ZFHX3: variants seen among roughly 807,000 people sequenced by gnomAD.
The protein encoded by ZFHX3 is zinc finger homeobox protein 3.
Under a neutral mutation model 279.1 loss-of-function variants are expected in ZFHX3, and 42 were observed. The ratio of observed to expected loss-of-function variants is 0.15; its 90% confidence interval spans 0.12 to 0.19. The LOEUF is 0.19. Among genes scored for constraint, ZFHX3 ranks in the 10% least tolerant of loss-of-function variants. ZFHX3 has a pLI of 1.00. For synonymous variants in ZFHX3, 2,293 were observed against 1,957.8 expected (o/e 1.17, Z -4.52); for missense variants, 4,981 against 4,754.0 (o/e 1.05, Z -1.40).
intron 8 of ZFHX3, among the ~76,000 whole-genome samples, chr16:73,070,019 C>T (rs1215996946): frequency 6.6e-6 from 1 of 152,166 alleles, no homozygotes; most frequent in African/African-American, 2.4e-5. Context: ...GATAAAGTTT[C>T]CAGAGGTCCC....
At chr16:73,698,706 A>C (rs535205453) in intron 1 of ZFHX3, among the ~76,000 whole-genome samples, 1 of 152,300 alleles carries the variant, frequency 6.6e-6, no homozygotes, top group African/African-American at 2.4e-5. Flanking sequence ...TACTCATTGA[A>C]ACTGTCAAGG....
At chr16:72,837,953 A>T (rs750408979) in intron 4 of ZFHX3, among the ~76,000 whole-genome samples, 17 of 152,166 alleles carry the variant, frequency 1.1e-4, no homozygotes, top group Non-Finnish European at 2.1e-4. Context: ...TACCACAAGA[A>T]TTCTTTTTAC....
intron 3 of ZFHX3, among the ~76,000 whole-genome samples, chr16:73,432,086 C>A (rs1597333316): frequency 6.6e-6 from 1 of 152,198 alleles, no homozygotes; most frequent in East Asian, 1.9e-4. Context: ...AAAAATCCGT[C>A]TCCGCCTAGG....
At chr16:73,591,361 AAAACAAAC>A (rs564553376) in intron 2 of ZFHX3, among the ~76,000 whole-genome samples, 4 of 151,166 alleles carry the variant, frequency 2.6e-5, no homozygotes, top group African/African-American at 7.4e-5. Flanking sequence ...TCAAAAACAA[AAAACAAAC>A]AAACAAACAA....
At chr16:73,628,083 T>C (rs1254408701) in intron 2 of ZFHX3, among the ~76,000 whole-genome samples, 3 of 152,124 alleles carry the variant, frequency 2.0e-5, no homozygotes, top group Non-Finnish European at 4.4e-5. Flanking sequence ...CCTAGCACAA[T>C]GGTATCTATT....
At chr16:73,307,818 A>G (rs953119761) in intron 4 of ZFHX3, among the ~76,000 whole-genome samples, 1 of 152,194 alleles carries the variant, frequency 6.6e-6, no homozygotes, top group Non-Finnish European at 1.5e-5. Flanking sequence ...GGAAGGCACA[A>G]GAAGTATTCG....
At chr16:73,390,846 T>TA (rs549624957) in intron 3 of ZFHX3, among the ~76,000 whole-genome samples, 12 of 152,016 alleles carry the variant, frequency 7.9e-5, no homozygotes, top group East Asian at 7.8e-4. Context: ...GAGGAGGTTT[T>TA]AAAAAAAATC....
intron 2 of ZFHX3, among the ~76,000 whole-genome samples, chr16:73,463,969 G>C (rs1044963075): frequency 6.6e-6 from 1 of 152,178 alleles, no homozygotes; most frequent in African/African-American, 2.4e-5. Context: ...CATGCCTTAA[G>C]AAACAGCATT....
At chr16:73,766,223 TGCA>T (rs2053940471) in intron 1 of ZFHX3, among the ~76,000 whole-genome samples, 1 of 152,200 alleles carries the variant, frequency 6.6e-6, no homozygotes, top group Non-Finnish European at 1.5e-5. Context: ...AATAAAACCA[TGCA>T]GCAGCAACTT....
intron 3 of ZFHX3, chr16:73,401,208 C>T (rs2017244120): frequency 1.3e-5 from 2 of 152,018 alleles, no homozygotes; most frequent in Admixed American, 1.3e-4. Context: ...ATTGCTTTTC[C>T]CTCAGAAAAA....
chr16:73,639,431 C>T (rs1174256303), intron 2 of ZFHX3, among the ~76,000 whole-genome samples: 1 of 152,092 alleles, frequency 6.6e-6, no homozygotes, highest in Admixed American at 6.5e-5. Flanking sequence ...TACAGTAGCC[C>T]CATAAGGTTC....
At chr16:72,825,407 A>C (rs965382356) in intron 5 of ZFHX3, among the ~76,000 whole-genome samples, 11 of 152,220 alleles carry the variant, frequency 7.2e-5, no homozygotes, top group African/African-American at 2.7e-4. Context: ...CTTCTCTGAG[A>C]GATGGTATAT....
At chr16:73,712,075 T>C (rs539405607) in intron 1 of ZFHX3, among the ~76,000 whole-genome samples, 4 of 152,332 alleles carry the variant, frequency 2.6e-5, no homozygotes, top group African/African-American at 9.6e-5. Context: ...CTGTGGCTCA[T>C]ACGGAGGATG....
intron 3 of ZFHX3, among the ~76,000 whole-genome samples, chr16:73,336,651 G>A (rs11640453): frequency 6.6e-6 from 1 of 152,060 alleles, no homozygotes; most frequent in Non-Finnish European, 1.5e-5. Flanking sequence ...TGGGCCTCTA[G>A]GTTGATTCCA....
At chr16:73,213,029 C>T (rs1283324067) in intron 5 of ZFHX3, among the ~76,000 whole-genome samples, 1 of 152,118 alleles carries the variant, frequency 6.6e-6, no homozygotes, top group Non-Finnish European at 1.5e-5. Context: ...TTGACTATTT[C>T]CGAGCTGGGA....
chr16:73,155,838 A>G (rs1967066791), intron 5 of ZFHX3, among the ~76,000 whole-genome samples: 1 of 151,136 alleles, frequency 6.6e-6, no homozygotes, highest in East Asian at 1.9e-4. Flanking sequence ...CAAACAAACA[A>G]ACAAACTACA....
chr16:72,888,838 C>T (rs2144066916), intron 4 of ZFHX3, among the ~76,000 whole-genome samples: 1 of 152,240 alleles, frequency 6.6e-6, no homozygotes, highest in Non-Finnish European at 1.5e-5. Flanking sequence ...TAGAGGTGAG[C>T]AGTTCACAGG....
At chr16:73,195,233 G>C (rs945777353) in intron 5 of ZFHX3, among the ~76,000 whole-genome samples, 7 of 152,086 alleles carry the variant, frequency 4.6e-5, no homozygotes, top group Non-Finnish European at 1.0e-4. Context: ...GTTTGGAAAA[G>C]GGAGAAGGGG....
chr16:73,747,609 A>G (rs561549186), intron 1 of ZFHX3, among the ~76,000 whole-genome samples: 4 of 152,278 alleles, frequency 2.6e-5, no homozygotes, highest in East Asian at 3.9e-4. Flanking sequence ...GAAAATCTCT[A>G]TGTTGATTAG....
Sources: allele counts gnomAD v4.1 joint callset (sites outside exome capture counted in the v4.1 genomes callset), GRCh38; gene constraint gnomAD v4.1.1; transcripts MANE v1.5; gene names NCBI Gene and HGNC (gene_info 2026-07-23, HGNC 2026-07-21).